Variants in TEX11 observed in about 807,000 individuals in gnomAD.
TEX11 encodes the protein testis-expressed protein 11.
Under a neutral mutation model 84.4 loss-of-function variants are expected in TEX11, and 7 were observed. That is an observed-to-expected ratio of 0.08 (90% confidence interval 0.05 to 0.16). The LOEUF is 0.16. Among genes scored for constraint, TEX11 ranks in the 10% least tolerant of loss-of-function variants. The pLI is 1.00. For synonymous variants in TEX11, 264 were observed against 222.8 expected, an observed-to-expected ratio of 1.18 and a Z score of -1.64; for missense variants, 551 against 660.5, an observed-to-expected ratio of 0.83 and a Z score of 1.82.
chrX:70,545,382 T>G (rs2088109096), intron 28 of TEX11, among the ~76,000 whole-genome samples: 1 of 111,578 alleles, frequency 9.0e-6, no homozygotes, highest in African/African-American at 3.3e-5. Flanking sequence ...TGATAAAAAC[T>G]AAGACACAAA....
At chrX:70,521,321 C>T in the TEX11 span, among the ~76,000 whole-genome samples, 1 of 110,439 alleles carries the variant, frequency 9.1e-6, no homozygotes, top group African/African-American at 3.3e-5. Flanking sequence ...CTCTGTCTCA[C>T]AGGCTGGAGT....
At chrX:70,808,691 C>G (rs1222348543) in intron 8 of TEX11, among the ~76,000 whole-genome samples, 1 of 108,817 alleles carries the variant, frequency 9.2e-6, no homozygotes, top group Non-Finnish European at 1.9e-5. Flanking sequence ...ATAGATACAT[C>G]TATCATATAC....
intron 9 of TEX11, among the ~76,000 whole-genome samples, chrX:70,754,918 T>C (rs1430842099): frequency 1.8e-5 from 2 of 112,201 alleles, no homozygotes; most frequent in Non-Finnish European, 3.8e-5. Flanking sequence ...AGAGCATTAG[T>C]GGGCTTGGGA....
chrX:70,711,400 C>A (rs1428952802), intron 13 of TEX11, among the ~76,000 whole-genome samples: 1 of 109,979 alleles, frequency 9.1e-6, no homozygotes, highest in African/African-American at 3.3e-5. Context: ...TTTACAGTCC[C>A]ACCAACAGTG....
At position 70,554,374 on chromosome X, in the gene TEX11, T is replaced by C. The variant is rs909124725; in HGVS notation, c.2290+277A>G. Among the ~76,000 whole-genome samples the C allele has an allele frequency of 7.2e-5, 8 of 111,588 alleles. 1 individual carries two copies. The South Asian group carries it at 1.9e-3, about 26-fold the overall frequency. ...CACACAGAAAAAATTTGAGCACCTA[T>C]TAGGAGCAATGAACTTCGCTAGGGT... On this transcript the variant is annotated intron_variant, in intron 26 of 29. Coordinates refer to ENST00000374333, the MANE Select transcript of TEX11 (RefSeq NM_031276.3).
chrX:70,517,520 T>A, the TEX11 span, among the ~76,000 whole-genome samples: 2 of 111,478 alleles, frequency 1.8e-5, no homozygotes, highest in Non-Finnish European at 3.8e-5. Flanking sequence ...TGGATTAGGT[T>A]TGCCAGTATT....
intron 16 of TEX11, among the ~76,000 whole-genome samples, chrX:70,659,093 A>G (rs1033900012): frequency 1.8e-5 from 2 of 112,326 alleles, no homozygotes; most frequent in African/African-American, 6.5e-5. Flanking sequence ...AAGAGCTAAA[A>G]CTATACAAGT....
At chrX:70,586,151 C>G (rs765668084) in intron 25 of TEX11, among the ~76,000 whole-genome samples, 1 of 112,594 alleles carries the variant, frequency 8.9e-6, no homozygotes, top group South Asian at 3.6e-4. Flanking sequence ...GCCTACTACA[C>G]CATTGAATAT....
At chrX:70,762,438 C>T (rs759562664) in intron 9 of TEX11, among the ~76,000 whole-genome samples, 65 of 111,154 alleles carry the variant, frequency 5.8e-4, no homozygotes, top group Non-Finnish European at 1.1e-3. Flanking sequence ...AAGCAGGAAC[C>T]GGGCTGCACA....
At chrX:70,512,239 A>C in the TEX11 span, among the ~76,000 whole-genome samples, 362 of 107,048 alleles carry the variant, frequency 3.4e-3, 20 homozygotes, top group African/African-American at 8.1e-3. Context: ...TCTTCTTCTT[A>C]TTATTATTAT....
At chrX:70,701,494 C>T (rs1203659600) in intron 13 of TEX11, among the ~76,000 whole-genome samples, 1 of 111,917 alleles carries the variant, frequency 8.9e-6, no homozygotes, top group African/African-American at 3.2e-5. Flanking sequence ...AAGATTACTG[C>T]TCGTTGACAA....
Position 70,609,088 on chromosome X carries a change from T to C in TEX11, c.1879+3A>G. The C allele has an allele frequency of 8.4e-7, 1 of 1,197,415 alleles. No individual in the cohort carries two copies. Among genetic ancestry groups the C allele is most frequent in the Non-Finnish European group, 1.1e-6 (1 of 886,939 alleles). On this transcript the variant is annotated splice_donor_region_variant and intron_variant, in intron 22 of 29. Transcript: ENST00000374333. ...TTCCCAGAGCCACAGAATTTCCTCTTACCTGTTTTTCGAAACCACTGAGCT... is the reference window on the plus strand; with the variant it reads ...TTCCCAGAGCCACAGAATTTCCTCTCACCTGTTTTTCGAAACCACTGAGCT...
intron 28 of TEX11, among the ~76,000 whole-genome samples, chrX:70,537,757 A>G: frequency 1.8e-5 from 2 of 111,421 alleles, no homozygotes. Context: ...GCAGTGCCAC[A>G]GTGGGTGGCT....
intron 13 of TEX11, among the ~76,000 whole-genome samples, chrX:70,709,367 G>A (rs923512332): frequency 3.6e-5 from 4 of 111,172 alleles, no homozygotes; most frequent in Non-Finnish European, 7.6e-5. Flanking sequence ...TTATTATTGA[G>A]TATGAGGTCT....
At chrX:70,774,188 G>A (rs759501659) in intron 9 of TEX11, among the ~76,000 whole-genome samples, 6 of 108,729 alleles carry the variant, frequency 5.5e-5, no homozygotes, top group Admixed American at 2.0e-4. Context: ...ACCAGGGCTC[G>A]GGTGGGAGTG....
chrX:70,644,941 A>G (rs897925630), intron 17 of TEX11, among the ~76,000 whole-genome samples: 1 of 110,043 alleles, frequency 9.1e-6, no homozygotes, highest in African/African-American at 3.3e-5. Flanking sequence ...TTAAAAAAAG[A>G]TAAATAAAAT....
Position 70,677,977 on chromosome X carries a change from C to A in TEX11, c.1242+827G>T, listed in dbSNP as rs1050736370. ...TACAGGCGTGTGCTACCATGCCCAG[C>A]TAATTTTTTGTATTTTAGTAGAGAT... On this transcript the variant is annotated intron_variant, in intron 15 of 29. Coordinates refer to ENST00000374333, the MANE Select transcript of TEX11 (RefSeq NM_031276.3). 4.6e-5 allele frequency among the ~76,000 whole-genome samples: 5 copies of A among 109,103 alleles called. No individual in the cohort carries two copies. The East Asian group carries it at 1.4e-3, about 31-fold the overall frequency. 94.7% of individuals were successfully genotyped at this position (109,103 alleles called of 115,157 possible).
At chrX:70,690,873 A>G (rs1363708232) in intron 13 of TEX11, among the ~76,000 whole-genome samples, 1 of 111,684 alleles carries the variant, frequency 9.0e-6, no homozygotes, top group Non-Finnish European at 1.9e-5. Context: ...ATACACCAAG[A>G]AAACAATCAG....
At chrX:70,878,168 CTTTTTTTTT>C (rs34459152) in intron 3 of TEX11, among the ~76,000 whole-genome samples, 3 of 72,538 alleles carry the variant, frequency 4.1e-5, no homozygotes, top group African/African-American at 1.6e-4. Context: ...CTCTATCCCT[CTTTTTTTTT>C]TTTTTTTTTT....
Sources: gnomAD v4.1 joint callset for allele counts (sites outside exome capture counted in the v4.1 genomes callset) on GRCh38, gnomAD v4.1.1 for gene constraint, MANE v1.5 for transcripts, NCBI Gene and HGNC (gene_info 2026-07-23, HGNC 2026-07-21) for gene names.